Variants in INPP4B observed in about 807,000 individuals in gnomAD.
INPP4B encodes inositol polyphosphate-4-phosphatase type II B, also known as inositol polyphosphate 4-phosphatase type II.
Under a neutral mutation model 122.5 loss-of-function variants are expected in INPP4B, and 55 were observed. The ratio of observed to expected loss-of-function variants is 0.45; its 90% CI spans 0.36 to 0.56. INPP4B has a LOEUF of 0.56. INPP4B is among the 20% of genes least tolerant of loss of function. INPP4B has a pLI of 0.00. For synonymous variants in INPP4B, 403 were observed against 388.7 expected, an observed-to-expected ratio of 1.04 and a Z score of -0.43; for missense variants, 1,000 against 1,097.7, an observed-to-expected ratio of 0.91 and a Z score of 1.26.
chr4:142,328,779 A>T (rs1255990667), intron 7 of INPP4B, among the ~76,000 whole-genome samples: 2 of 152,232 alleles, frequency 1.3e-5, no homozygotes, highest in African/African-American at 4.8e-5. Context: ...CATAGTTAAT[A>T]TAACTGTATA....
chr4:142,030,100 G>C, intron 25 of INPP4B: 1 of 1,487,374 alleles, frequency 6.7e-7, no homozygotes, highest in Non-Finnish European at 9.0e-7. Context: ...GTCATTTGTA[G>C]AAAAGAAAAA....
rs1364907102 is a variant in INPP4B at position 142,115,776 on chromosome 4, A to G, written c.2136-3094T>C. Among the ~76,000 whole-genome samples, 3 of 152,166 alleles carry G rather than the reference A, an allele frequency of 2.0e-5. No individual in the cohort carries two copies. The South Asian group carries it at 6.2e-4, about 31-fold the overall frequency. Reference sequence around the variant, plus strand: ...AACTAACAAGCAAAATAACCAGCTAACATCATAATGACAGGATCAAATTCA... The same window carrying G: ...AACTAACAAGCAAAATAACCAGCTAGCATCATAATGACAGGATCAAATTCA... On this transcript the variant is annotated intron_variant, in intron 21 of 25. Coordinates refer to ENST00000262992, the MANE Select transcript of INPP4B (RefSeq NM_001101669.3).
At chr4:142,089,439 A>C (rs1241915112) in intron 23 of INPP4B, among the ~76,000 whole-genome samples, 5 of 63,888 alleles carry the variant, frequency 7.8e-5, no homozygotes, top group Non-Finnish European at 1.4e-4. Context: ...TGTTCTCACC[A>C]CACACACACA....
intron 2 of INPP4B, among the ~76,000 whole-genome samples, chr4:142,469,536 A>T (rs1818426761): frequency 6.6e-6 from 1 of 152,146 alleles, no homozygotes. Flanking sequence ...AGTATTCTAG[A>T]TCATAAAGAA....
At chr4:142,368,995 GA>G (rs1392090937) in intron 7 of INPP4B, among the ~76,000 whole-genome samples, 1 of 151,998 alleles carries the variant, frequency 6.6e-6, no homozygotes, top group Non-Finnish European at 1.5e-5. Flanking sequence ...ATGATGGTAA[GA>G]GGAGGAGGAG....
intron 2 of INPP4B, among the ~76,000 whole-genome samples, chr4:142,562,400 C>G (rs1043554549): frequency 6.6e-6 from 1 of 152,130 alleles, no homozygotes; most frequent in Non-Finnish European, 1.5e-5. Flanking sequence ...TCTCCATGAG[C>G]CAGACTGTAT....
chr4:142,299,742 G>A (rs1032821793), intron 9 of INPP4B, among the ~76,000 whole-genome samples: 9 of 151,864 alleles, frequency 5.9e-5, no homozygotes, highest in South Asian at 2.1e-4. Flanking sequence ...TATTTTAGAC[G>A]TGGAAAACTC....
intron 2 of INPP4B, among the ~76,000 whole-genome samples, chr4:142,483,582 T>C (rs1820848148): frequency 6.6e-6 from 1 of 152,042 alleles, no homozygotes; most frequent in Admixed American, 6.6e-5. Flanking sequence ...GTACATATTT[T>C]AGATCAAACT....
intron 12 of INPP4B, among the ~76,000 whole-genome samples, chr4:142,236,015 AG>A (rs1856555856): frequency 6.6e-6 from 1 of 152,196 alleles, no homozygotes; most frequent in Non-Finnish European, 1.5e-5. Context: ...GCTATTCCAG[AG>A]CCATTTAAAG....
chr4:142,364,934 C>T (rs547455734), intron 7 of INPP4B, among the ~76,000 whole-genome samples: 3 of 151,994 alleles, frequency 2.0e-5, no homozygotes, highest in Non-Finnish European at 4.4e-5. Context: ...CTCCCCACCT[C>T]GCCACACAAG....
At chr4:142,255,808 C>G (rs962387602) in intron 11 of INPP4B, among the ~76,000 whole-genome samples, 5 of 151,638 alleles carry the variant, frequency 3.3e-5, no homozygotes, top group Non-Finnish European at 7.4e-5. Flanking sequence ...GACAGAAAGT[C>G]AACAAGGATA....
At chr4:142,397,089 T>C (rs1799602783) in intron 7 of INPP4B, among the ~76,000 whole-genome samples, 1 of 152,204 alleles carries the variant, frequency 6.6e-6, no homozygotes, top group Non-Finnish European at 1.5e-5. Flanking sequence ...TATATCTCAA[T>C]TTAAAAATTA....
chr4:142,653,373 G>C (rs909508321), intron 2 of INPP4B, among the ~76,000 whole-genome samples: 1 of 152,156 alleles, frequency 6.6e-6, no homozygotes, highest in Non-Finnish European at 1.5e-5. Flanking sequence ...ATTGACAAAT[G>C]GGATCTAATT....
intron 1 of INPP4B, among the ~76,000 whole-genome samples, chr4:142,748,668 GA>G (rs201227368): frequency 0.066 from 9,519 of 144,278 alleles, 315 homozygotes; most frequent in Middle Eastern, 0.13. Context: ...AACTGAATCA[GA>G]AAAAAAAAAT....
intron 11 of INPP4B, among the ~76,000 whole-genome samples, chr4:142,245,936 A>G (rs376553663): frequency 1.5e-4 from 10 of 66,326 alleles, no homozygotes; most frequent in African/African-American, 3.2e-4. Flanking sequence ...GTATACATAT[A>G]TGTGTATGTA....
chr4:142,625,470 A>C (rs1259712011), intron 2 of INPP4B, among the ~76,000 whole-genome samples: 1 of 152,174 alleles, frequency 6.6e-6, no homozygotes, highest in Admixed American at 6.6e-5. Context: ...CCACTGCTCA[A>C]TGAAATAAAA....
chr4:142,228,889 T>C (rs932670619), intron 12 of INPP4B, among the ~76,000 whole-genome samples: 1 of 151,700 alleles, frequency 6.6e-6, no homozygotes, highest in African/African-American at 2.4e-5. Flanking sequence ...GTAATAAATA[T>C]ATAGATAAAT....
chr4:142,469,980 C>T (rs1341291454), intron 2 of INPP4B, among the ~76,000 whole-genome samples: 1 of 151,644 alleles, frequency 6.6e-6, no homozygotes, highest in African/African-American at 2.4e-5. Context: ...AAATTATGTT[C>T]CATTAGACAG....
intron 5 of INPP4B, among the ~76,000 whole-genome samples, chr4:142,419,811 AGACT>A (rs1806487878): frequency 1.3e-5 from 2 of 152,140 alleles, no homozygotes; most frequent in African/African-American, 4.8e-5. Flanking sequence ...CTCAACAAGA[AGACT>A]GACTGACAAA....
Sources: allele counts gnomAD v4.1 joint callset (sites outside exome capture counted in the v4.1 genomes callset), GRCh38; gene constraint gnomAD v4.1.1; transcripts MANE v1.5; gene names NCBI Gene and HGNC (gene_info 2026-07-23, HGNC 2026-07-21).